Variants in TRABD2B observed in about 807,000 individuals in gnomAD.
TRABD2B encodes the protein TraB domain containing 2B, also known as metalloprotease TIKI2.
TRABD2B carries 14 observed loss-of-function variants against 40.1 expected under a neutral mutation model. The ratio of observed to expected loss-of-function variants is 0.35; its 90% CI spans 0.23 to 0.55. The LOEUF is 0.55. TRABD2B is among the 20% of genes least tolerant of loss of function. The pLI, the probability that TRABD2B is intolerant of heterozygous loss-of-function variation, is 0.90. For synonymous variants in TRABD2B, 263 were observed against 277.0 expected (o/e 0.95, Z 0.50); for missense variants, 541 against 648.6 (o/e 0.83, Z 1.80).
intron 2 of TRABD2B, among the ~76,000 whole-genome samples, chr1:47,934,360 G>C (rs1645078299): frequency 1.3e-5 from 2 of 152,206 alleles, no homozygotes; most frequent in Admixed American, 6.5e-5. Flanking sequence ...GTCCCTGCAG[G>C]CACACAGGTC....
chr1:47,960,810 C>T (rs1570371917), intron 2 of TRABD2B, among the ~76,000 whole-genome samples: 1 of 152,068 alleles, frequency 6.6e-6, no homozygotes. Flanking sequence ...AGATTCAATG[C>T]CATCCCCATC....
intron 2 of TRABD2B, among the ~76,000 whole-genome samples, chr1:47,839,376 AC>A (rs1035628435): frequency 5.3e-5 from 8 of 152,020 alleles, no homozygotes; most frequent in African/African-American, 9.6e-5. Flanking sequence ...ACACACACTC[AC>A]CCACACAGAA....
chr1:47,948,158 C>A (rs1645286123), intron 2 of TRABD2B, among the ~76,000 whole-genome samples: 1 of 152,040 alleles, frequency 6.6e-6, no homozygotes, highest in Non-Finnish European at 1.5e-5. Context: ...TCAAAGATTC[C>A]AAAATAGTGC....
At chr1:47,978,478 C>A (rs541382547) in intron 2 of TRABD2B, among the ~76,000 whole-genome samples, 1 of 152,200 alleles carries the variant, frequency 6.6e-6, no homozygotes, top group African/African-American at 2.4e-5. Context: ...CTGCCAAAAC[C>A]GGAAACAAGG....
chr1:47,789,148 G>T (rs1458777274), intron 4 of TRABD2B, among the ~76,000 whole-genome samples: 1 of 152,312 alleles, frequency 6.6e-6, no homozygotes, highest in East Asian at 1.9e-4. Context: ...TGAGGCGTAT[G>T]TGCCCTGTCC....
chr1:47,888,145 T>C (rs567311622), intron 2 of TRABD2B, among the ~76,000 whole-genome samples: 32 of 152,350 alleles, frequency 2.1e-4, no homozygotes, highest in Non-Finnish European at 4.0e-4. Flanking sequence ...GGCTAAAGTG[T>C]CTTCCAGGAG....
chr1:47,898,747 C>T (rs1644558604), intron 2 of TRABD2B, among the ~76,000 whole-genome samples: 1 of 152,132 alleles, frequency 6.6e-6, no homozygotes, highest in Non-Finnish European at 1.5e-5. Flanking sequence ...ATTAAGAATG[C>T]TGCTCCAGGC....
intron 2 of TRABD2B, among the ~76,000 whole-genome samples, chr1:47,916,696 G>T (rs1644834294): frequency 6.6e-6 from 1 of 152,258 alleles, no homozygotes; most frequent in Non-Finnish European, 1.5e-5. Context: ...GAAGCTGCAG[G>T]ACATGGGCCA....
At chr1:47,819,394 G>A (rs1645076832) in intron 2 of TRABD2B, 1 of 152,222 alleles carries the variant, frequency 6.6e-6, no homozygotes, top group Non-Finnish European at 1.5e-5. Flanking sequence ...ATTTTGATTG[G>A]ATCTTTAACA....
intron 2 of TRABD2B, among the ~76,000 whole-genome samples, chr1:47,850,405 G>C (rs1645531975): frequency 6.6e-6 from 1 of 152,238 alleles, no homozygotes; most frequent in Non-Finnish European, 1.5e-5. Context: ...ACACCATATG[G>C]AAGCTTGGCC....
At chr1:47,779,311 G>A (rs1644489017) in intron 4 of TRABD2B, among the ~76,000 whole-genome samples, 1 of 152,214 alleles carries the variant, frequency 6.6e-6, no homozygotes, top group African/African-American at 2.4e-5. Context: ...CCTACAGGAG[G>A]CAGAAACATA....
chr1:47,936,280 T>C (rs1352521995), intron 2 of TRABD2B, among the ~76,000 whole-genome samples: 1 of 152,074 alleles, frequency 6.6e-6, no homozygotes, highest in Non-Finnish European at 1.5e-5. Flanking sequence ...TGAGTGTGGA[T>C]GAAATAACAG....
intron 6 of TRABD2B, among the ~76,000 whole-genome samples, chr1:47,770,563 T>A (rs1464739747): frequency 6.6e-6 from 1 of 152,192 alleles, no homozygotes; most frequent in Non-Finnish European, 1.5e-5. Flanking sequence ...GATGGGAAAC[T>A]GGGCCCAGAG....
chr1:47,784,964 C>A (rs1644575824), intron 4 of TRABD2B, among the ~76,000 whole-genome samples: 2 of 152,156 alleles, frequency 1.3e-5, no homozygotes, highest in South Asian at 4.1e-4. Context: ...CATGCAGTGC[C>A]AGGGGCCATG....
chr1:47,846,857 T>TACACACACACACACACACACACACAC (rs67359073), intron 2 of TRABD2B, among the ~76,000 whole-genome samples: 3 of 106,396 alleles, frequency 2.8e-5, no homozygotes, highest in East Asian at 7.1e-4. Flanking sequence ...AAAACATGCA[T>TACACACACACACACACACACACACAC]ACACACACAC....
chr1:47,816,444 C>T (rs184285754), intron 2 of TRABD2B, among the ~76,000 whole-genome samples: 20 of 152,316 alleles, frequency 1.3e-4, no homozygotes, highest in African/African-American at 4.6e-4. Flanking sequence ...CCCTAACCTC[C>T]TTGCTTTGGG....
At chr1:47,882,784 T>G (rs1644322959) in intron 2 of TRABD2B, among the ~76,000 whole-genome samples, 1 of 151,848 alleles carries the variant, frequency 6.6e-6, no homozygotes, top group Admixed American at 6.6e-5. Context: ...AGCCATAAGT[T>G]GGTAGCTTGT....
intron 2 of TRABD2B, among the ~76,000 whole-genome samples, chr1:47,871,380 G>T (rs1300675667): frequency 6.6e-6 from 1 of 152,144 alleles, no homozygotes; most frequent in South Asian, 2.1e-4. Context: ...TTTGAAATCT[G>T]ACAGGAGGCA....
At position 47,765,897 on chromosome 1, in the gene TRABD2B, C is replaced by G. The variant is rs1435302590; in HGVS notation, c.*5G>C. The G allele has an allele frequency of 1.4e-6, 1 of 702,708 alleles. No homozygotes were observed. Among genetic ancestry groups the G allele is most frequent in the Non-Finnish European group, 2.6e-6 (1 of 384,944 alleles). 43.5% of individuals were successfully genotyped at this position (702,708 alleles called of 1,614,324 possible). ...CTCTGGCTTCTCCACTTGGGGTGGCCGAGGTCAGGAGGGCCCAAGGCTATG... is the reference window on the plus strand; with the variant it reads ...CTCTGGCTTCTCCACTTGGGGTGGCGGAGGTCAGGAGGGCCCAAGGCTATG... On this transcript the variant is annotated 3_prime_UTR_variant, in exon 7 of 7. Transcript: ENST00000606738.
Sources: gnomAD v4.1 joint callset for allele counts (sites outside exome capture counted in the v4.1 genomes callset) on GRCh38, gnomAD v4.1.1 for gene constraint, MANE v1.5 for transcripts, NCBI Gene and HGNC (gene_info 2026-07-23, HGNC 2026-07-21) for gene names.